The following PTPN11 variants were observed in gnomAD, a reference collection of about 807,000 sequenced individuals.
The protein encoded by PTPN11 is tyrosine-protein phosphatase non-receptor type 11.
A neutral mutation model predicts 78.8 loss-of-function variants in PTPN11; 6 were observed. The ratio of observed to expected loss-of-function variants is 0.08; its 90% CI spans 0.04 to 0.15. The LOEUF is 0.15. PTPN11 is among the 10% of genes least tolerant of loss of function. PTPN11 has a pLI of 1.00. For missense variants in PTPN11, 386 were observed against 744.8 expected, an observed-to-expected ratio of 0.52 and a Z score of 5.61; for synonymous variants, 221 against 263.5, an observed-to-expected ratio of 0.84 and a Z score of 1.56.
chr12:112,419,231 C>G, intron 1 of PTPN11, 106 bp downstream of exon 1: 1 of 1,233,482 alleles, frequency 8.1e-7, no homozygotes. Context: ...GGCTCCCGCC[C>G]CGGGTCGGGG....
chr12:112,425,004 G>GC (rs1566153558), intron 1 of PTPN11, among the ~76,000 whole-genome samples: 4 of 139,202 alleles, frequency 2.9e-5, no homozygotes, highest in African/African-American at 1.2e-4. Flanking sequence ...GTGTGTGTGT[G>GC]TGTGTATGTA....
At chr12:112,462,402 A>G (rs2038262353) in intron 6 of PTPN11, among the ~76,000 whole-genome samples, 1 of 152,014 alleles carries the variant, frequency 6.6e-6, no homozygotes, top group African/African-American at 2.4e-5. Context: ...CTCATTTGTA[A>G]TCGTCCTTCT....
intron 2 of PTPN11, 69 bp from the exon 3 acceptor site, chr12:112,450,249 T>C (rs2135861512): frequency 7.4e-7 from 1 of 1,350,222 alleles, no homozygotes; most frequent in Non-Finnish European, 1.1e-6. Flanking sequence ...ACGTGGAAGA[T>C]GAGATCTGAT....
chr12:112,443,901 G>A (rs2037948165), intron 1 of PTPN11, among the ~76,000 whole-genome samples: 1 of 151,756 alleles, frequency 6.6e-6, no homozygotes, highest in Non-Finnish European at 1.5e-5. Flanking sequence ...TGATCCACCT[G>A]CCTTGGCCTC....
At chr12:112,477,818 C>G in intron 8 of PTPN11, 39 bp from the exon 9 acceptor site, 1 of 1,612,446 alleles carries the variant, frequency 6.2e-7, no homozygotes, top group Non-Finnish European at 8.5e-7. Context: ...CTGAAAGTAA[C>G]TTTAAGGTGT....
At position 112,446,267 on chromosome 12, in the gene PTPN11, CT is replaced by C. The variant is rs1223869705; in HGVS notation, c.15-4del. 1.2e-6 allele frequency: 2 copies of C among 1,613,856 alleles called. No homozygotes were observed. Among genetic ancestry groups the C allele is most frequent in the Admixed American group, 3.3e-5 (2 of 59,990 alleles). On this transcript the variant is annotated splice_region_variant and splice_polypyrimidine_tract_variant and intron_variant, in intron 1 of 15. Transcript: ENST00000351677. The stretch of plus-strand genomic sequence containing the variant: ...TTTTTTTATTACTTACTTTGTCTTT[CT>C]TTTTAAGATGGTTTCACCCAAATAT...
At chr12:112,425,701 A>G (rs535469608) in intron 1 of PTPN11, among the ~76,000 whole-genome samples, 25 of 152,158 alleles carry the variant, frequency 1.6e-4, no homozygotes, top group Admixed American at 8.5e-4. Flanking sequence ...CCACCCTGAA[A>G]TTAGACTTTG....
At chr12:112,492,026 C>G (rs908315556) in intron 13 of PTPN11, among the ~76,000 whole-genome samples, 4 of 152,146 alleles carry the variant, frequency 2.6e-5, no homozygotes, top group Admixed American at 2.0e-4. Context: ...TATGTTTAGT[C>G]TCTTTAATCT....
At chr12:112,484,396 A>G (rs1185001052) in intron 10 of PTPN11, among the ~76,000 whole-genome samples, 1 of 152,178 alleles carries the variant, frequency 6.6e-6, no homozygotes, top group East Asian at 1.9e-4. Context: ...AGGGCTTTGC[A>G]TAGTTGCAGT....
At chr12:112,459,433 C>CA (rs1175509773) in intron 6 of PTPN11, among the ~76,000 whole-genome samples, 3 of 141,804 alleles carry the variant, frequency 2.1e-5, no homozygotes, top group Non-Finnish European at 4.7e-5. Context: ...GAAGCAAATA[C>CA]TTTTTTTTTT....
In PTPN11 at chr12:112,506,291, G is replaced by A. The variant is rs3240; in HGVS notation, c.*499G>A. On this transcript the variant is annotated 3_prime_UTR_variant, in exon 16 of 16. Coordinates refer to ENST00000351677, the MANE Select transcript of PTPN11 (RefSeq NM_002834.5). Reference sequence around the variant, plus strand: ...ATTTACCATCATGTATCCAGTAGTGGATAATTCATTTTGATGGCTTCTATT... The same window carrying A: ...ATTTACCATCATGTATCCAGTAGTGAATAATTCATTTTGATGGCTTCTATT... 11 of 152,216 alleles carry A rather than the reference G, an allele frequency of 7.2e-5. No homozygotes were observed. The South Asian group carries it at 8.3e-4, about 11-fold the overall frequency. The allele number at this position is 152,216 out of a possible 1,614,324, so 9.4% of individuals were successfully genotyped here.
intron 1 of PTPN11, among the ~76,000 whole-genome samples, chr12:112,430,238 G>T (rs1750034917): frequency 6.6e-6 from 1 of 152,064 alleles, no homozygotes; most frequent in Non-Finnish European, 1.5e-5. Context: ...CCAGCCTCAG[G>T]TGATCTGCCT....
At chr12:112,469,491 G>A (rs1448101475) in intron 6 of PTPN11, among the ~76,000 whole-genome samples, 2 of 151,686 alleles carry the variant, frequency 1.3e-5, no homozygotes, top group Admixed American at 6.6e-5. Flanking sequence ...TTTAAAATTT[G>A]TGCAAGTAAG....
chr12:112,425,005 TG>T (rs2037592688), intron 1 of PTPN11, among the ~76,000 whole-genome samples: 1 of 140,182 alleles, frequency 7.1e-6, no homozygotes, highest in Non-Finnish European at 1.5e-5. Flanking sequence ...TGTGTGTGTG[TG>T]TGTATGTAGA....
At position 112,509,601 on chromosome 12, in the gene PTPN11, T is replaced by C. The variant is rs1353884743; in HGVS notation, c.*3809T>C. The C allele has an allele frequency of 6.5e-6, 1 of 152,676 alleles. No homozygotes were observed. The highest frequency in any genetic ancestry group is 2.4e-5 in the African/African-American group (1 of 41,466). 9.5% of individuals were successfully genotyped at this position (152,676 alleles called of 1,614,324 possible). On this transcript the variant is annotated 3_prime_UTR_variant, in exon 16 of 16. Transcript: ENST00000351677. ...AAAAGGAATACGTTTTAGGATGTCA[T>C]CATTTTGATGTGAATCATGTAAATG...
At chr12:112,429,206 T>C (rs1215046872) in intron 1 of PTPN11, among the ~76,000 whole-genome samples, 2 of 152,124 alleles carry the variant, frequency 1.3e-5, no homozygotes, top group Admixed American at 1.3e-4. Flanking sequence ...CCTCCACCAA[T>C]AATAATAATG....
chr12:112,445,262 G>A (rs149626041), intron 1 of PTPN11, among the ~76,000 whole-genome samples: 1,654 of 152,128 alleles, frequency 0.011, 27 homozygotes, highest in African/African-American at 0.037. Context: ...CTCCTGAGTA[G>A]CTGGGATTAC....
At chr12:112,489,579 G>A (rs2038721080) in intron 13 of PTPN11, among the ~76,000 whole-genome samples, 1 of 152,212 alleles carries the variant, frequency 6.6e-6, no homozygotes, top group South Asian at 2.1e-4. Context: ...GCGCACGGCA[G>A]TTTGAACCAC....
intron 1 of PTPN11, among the ~76,000 whole-genome samples, chr12:112,442,407 G>A (rs2037907547): frequency 6.6e-6 from 1 of 151,898 alleles, no homozygotes; most frequent in Non-Finnish European, 1.5e-5. Flanking sequence ...GAAATGCTAT[G>A]ATGAGCATTT....
Sources: allele counts gnomAD v4.1 joint callset (sites outside exome capture counted in the v4.1 genomes callset), GRCh38; gene constraint gnomAD v4.1.1; transcripts MANE v1.5; gene names NCBI Gene and HGNC (gene_info 2026-07-23, HGNC 2026-07-21).